The following ADAM19 variants were observed in gnomAD, a reference collection of about 807,000 sequenced individuals.
ADAM19 encodes ADAM metallopeptidase domain 19.
A neutral mutation model predicts 114.7 loss-of-function variants in ADAM19; 65 were observed. The ratio of observed to expected loss-of-function variants is 0.57; its 90% CI spans 0.46 to 0.70. The LOEUF is 0.70. Among genes scored for constraint, ADAM19 ranks in the 30% least tolerant of loss-of-function variants. ADAM19 has a pLI of 0.00. For synonymous variants in ADAM19, 466 were observed against 460.5 expected, an observed-to-expected ratio of 1.01 and a Z score of -0.15; for missense variants, 1,063 against 1,204.7, an observed-to-expected ratio of 0.88 and a Z score of 1.74.
At position 157,491,602 on chromosome 5, in the gene ADAM19, G is replaced by A; in HGVS notation, c.2095+13C>T. ...ACAAAAGCGGGCAGTGGCCCCAGCA[G>A]GCTGGCACTCACTCTCAGGGGGCAT... is the stretch of plus-strand genomic sequence containing the variant. On this transcript the variant is annotated intron_variant, in intron 18 of 22. Coordinates refer to ENST00000257527, the MANE Select transcript of ADAM19 (RefSeq NM_033274.5). 6.8e-7 allele frequency: 1 copy of A among 1,476,982 alleles called. No homozygotes were observed. The highest frequency in any genetic ancestry group is 9.0e-7 in the Non-Finnish European group (1 of 1,109,466). The allele number at this position is 1,476,982 out of a possible 1,614,324, so 91.5% of individuals were successfully genotyped here.
chr5:157,537,868 G>A, intron 4 of ADAM19, 45 bp downstream of exon 4: 1 of 1,543,476 alleles, frequency 6.5e-7, no homozygotes, highest in Non-Finnish European at 9.0e-7. Context: ...GAGTAGGGCT[G>A]GGAGAGGACA....
Position 157,479,511 on chromosome 5 carries a change from G to A in ADAM19, c.*1438C>T. The A allele has an allele frequency of 1.0e-6, 1 of 985,876 alleles. No homozygotes were observed. The highest frequency in any genetic ancestry group is 1.2e-6 in the Non-Finnish European group (1 of 829,974). The allele number at this position is 985,876 out of a possible 1,614,324, so 61.1% of individuals were successfully genotyped here. On this transcript the variant is annotated 3_prime_UTR_variant, in exon 23 of 23. Coordinates refer to ENST00000257527, the MANE Select transcript of ADAM19 (RefSeq NM_033274.5). ...GTCTATCTCCCAGCAAACATCTCCA[G>A]GTGCTTTGCAAAAACCGTCCTATCT...
At chr5:157,537,199 A>T (rs1356713215) in intron 4 of ADAM19, among the ~76,000 whole-genome samples, 1 of 152,188 alleles carries the variant, frequency 6.6e-6, no homozygotes, top group Non-Finnish European at 1.5e-5. Flanking sequence ...CTGGTTGAGA[A>T]TCAACGTTCT....
chr5:157,490,272 T>C (rs568142805), intron 19 of ADAM19, 38 bp downstream of exon 19: 2 of 1,611,016 alleles, frequency 1.2e-6, no homozygotes, highest in South Asian at 1.1e-5. Context: ...TTGTGACCCA[T>C]AAATTGACCC....
rs529281778 is a variant in ADAM19 at position 157,477,910 on chromosome 5, T to A, written c.*3039A>T. ...AGTCTCAGACCTTAAGATCTGCAAG[T>A]GTCTCAGAGCTGGGGCAGAAAAAGG... On this transcript the variant is annotated 3_prime_UTR_variant, in exon 23 of 23. Coordinates refer to ENST00000257527, the MANE Select transcript of ADAM19 (RefSeq NM_033274.5). 3.4e-5 allele frequency: 12 copies of A among 349,382 alleles called. No homozygotes were observed. In the East Asian group the frequency reaches 9.1e-4, roughly 26 times the overall value. 21.6% of individuals were successfully genotyped at this position (349,382 alleles called of 1,614,324 possible). A position where few individuals can be genotyped will look rare whatever the true frequency, so the allele number is the denominator to read the frequency against.
chr5:157,528,278 CA>C (rs370316377), intron 5 of ADAM19, among the ~76,000 whole-genome samples: 7 of 152,164 alleles, frequency 4.6e-5, no homozygotes, highest in African/African-American at 1.7e-4. Flanking sequence ...CAGACGGAAG[CA>C]TGCAAAACAG....
chr5:157,545,799 G>A (rs778206784), intron 3 of ADAM19, among the ~76,000 whole-genome samples: 70 of 152,206 alleles, frequency 4.6e-4, no homozygotes, highest in Admixed American at 8.5e-4. Flanking sequence ...CACCCAGTAG[G>A]CAGAGAGAAA....
chr5:157,530,642 A>G (rs1163544183), intron 5 of ADAM19, among the ~76,000 whole-genome samples, 165 bp downstream of exon 5: 1 of 152,226 alleles, frequency 6.6e-6, no homozygotes, highest in Non-Finnish European at 1.5e-5. Context: ...TGGATTACCT[A>G]GGCTTTCCCT....
intron 2 of ADAM19, among the ~76,000 whole-genome samples, chr5:157,569,416 C>CTTTTT (rs1196722802): frequency 1.7e-3 from 168 of 97,848 alleles, no homozygotes; most frequent in Middle Eastern, 7.0e-3. Flanking sequence ...AGCTAATTTT[C>CTTTTT]TTTTTTTTTT....
At chr5:157,492,851 A>G (rs1755220952) in intron 16 of ADAM19, 122 bp downstream of exon 16, 2 of 998,806 alleles carry the variant, frequency 2.0e-6, no homozygotes, top group Non-Finnish European at 3.1e-6. Flanking sequence ...TCATGAAGGG[A>G]GCCACCAAGG....
intron 5 of ADAM19, among the ~76,000 whole-genome samples, chr5:157,530,208 C>A (rs1438957370): frequency 7.2e-6 from 1 of 138,464 alleles, no homozygotes; most frequent in Admixed American, 7.2e-5. Context: ...AGAGTCCATA[C>A]CCTAGCCATT....
intron 3 of ADAM19, among the ~76,000 whole-genome samples, chr5:157,557,655 G>C (rs535975372): frequency 1.3e-5 from 2 of 152,292 alleles, no homozygotes; most frequent in East Asian, 3.9e-4. Context: ...AGAAGTCCAA[G>C]ATCAAGGGAT....
intron 21 of ADAM19, among the ~76,000 whole-genome samples, chr5:157,485,312 T>C (rs1282634071): frequency 2.0e-5 from 3 of 152,160 alleles, no homozygotes; most frequent in South Asian, 2.1e-4. Flanking sequence ...AATTCAAATA[T>C]AATACACACA....
At position 157,546,689 on chromosome 5, in the gene ADAM19, G is replaced by C. The variant is rs551396544; in HGVS notation, c.252-8698C>G. Reference sequence around the variant, plus strand: ...TATAATGCAGCCATTATAGCTCCTTGGCCCTTCTGGCCCTCTCCCCGGGGA... The same window carrying C: ...TATAATGCAGCCATTATAGCTCCTTCGCCCTTCTGGCCCTCTCCCCGGGGA... On this transcript the variant is annotated intron_variant, in intron 3 of 22. Transcript: ENST00000257527. Among the ~76,000 whole-genome samples the C allele has an allele frequency of 1.2e-4, 19 of 152,238 alleles. No individual in the cohort carries two copies. The East Asian group carries it at 3.7e-3, about 29-fold the overall frequency.
intron 7 of ADAM19, among the ~76,000 whole-genome samples, chr5:157,517,629 T>G (rs191008415): frequency 9.0e-4 from 137 of 152,312 alleles, no homozygotes; most frequent in South Asian, 1.9e-3. Context: ...TTATCACACT[T>G]TGGACCTACA....
chr5:157,534,566 G>C (rs536463552), intron 4 of ADAM19, among the ~76,000 whole-genome samples: 1 of 152,346 alleles, frequency 6.6e-6, no homozygotes, highest in African/African-American at 2.4e-5. Context: ...GCCAAGGCAA[G>C]AGGATCACTT....
intron 1 of ADAM19, among the ~76,000 whole-genome samples, chr5:157,571,244 A>G (rs889705822): frequency 1.3e-5 from 2 of 152,218 alleles, no homozygotes; most frequent in African/African-American, 2.4e-5. Flanking sequence ...CCTGAATAAA[A>G]TAAGTTGGGG....
At chr5:157,536,231 G>T (rs1756759730) in intron 4 of ADAM19, among the ~76,000 whole-genome samples, 1 of 152,150 alleles carries the variant, frequency 6.6e-6, no homozygotes, top group South Asian at 2.1e-4. Flanking sequence ...CGGGCACAGT[G>T]GCCTGTAATC....
chr5:157,547,884 T>C (rs1172940823), intron 3 of ADAM19, among the ~76,000 whole-genome samples: 1 of 152,208 alleles, frequency 6.6e-6, no homozygotes, highest in Non-Finnish European at 1.5e-5. Context: ...TTTTAAAATA[T>C]TCTTCATCCG....
Sources: gnomAD v4.1 joint callset for allele counts (sites outside exome capture counted in the v4.1 genomes callset) on GRCh38, gnomAD v4.1.1 for gene constraint, MANE v1.5 for transcripts, NCBI Gene and HGNC (gene_info 2026-07-23, HGNC 2026-07-21) for gene names.